The following CDK14 variants were observed in gnomAD, a reference collection of about 807,000 sequenced individuals.
CDK14 encodes the protein cyclin dependent kinase 14, also known as cyclin-dependent kinase 14.
CDK14 carries 34 observed loss-of-function variants against 60.7 expected under a neutral mutation model. That is an observed-to-expected ratio of 0.56 (90% CI 0.43 to 0.75). CDK14 has a LOEUF of 0.75. Ranked by LOEUF, CDK14 falls within the 30% of genes least tolerant of loss-of-function variation. CDK14 has a pLI of 0.00. For synonymous variants in CDK14, 197 were observed against 203.7 expected, an observed-to-expected ratio of 0.97 and a Z score of 0.28; for missense variants, 482 against 564.1, an observed-to-expected ratio of 0.85 and a Z score of 1.47.
chr7:91,006,195 G>T (rs951401562), intron 10 of CDK14, among the ~76,000 whole-genome samples: 2 of 152,224 alleles, frequency 1.3e-5, no homozygotes, highest in Non-Finnish European at 2.9e-5. Flanking sequence ...ATTTGGAAAA[G>T]AACTTGAAGT....
intron 3 of CDK14, among the ~76,000 whole-genome samples, chr7:90,740,270 T>TATAGAGAG (rs1554325107): frequency 7.1e-6 from 1 of 140,036 alleles, no homozygotes; most frequent in South Asian, 2.3e-4. Flanking sequence ...TATATATATA[T>TATAGAGAG]AGAGAGAGAG....
intron 14 of CDK14, among the ~76,000 whole-genome samples, chr7:91,197,611 A>G (rs975003278): frequency 2.0e-5 from 3 of 152,198 alleles, no homozygotes; most frequent in Non-Finnish European, 2.9e-5. Flanking sequence ...CACAAAATCT[A>G]TTATCTTCCA....
intron 9 of CDK14, among the ~76,000 whole-genome samples, chr7:90,968,563 G>T (rs1410899087): frequency 6.6e-6 from 1 of 152,072 alleles, no homozygotes; most frequent in Non-Finnish European, 1.5e-5. Flanking sequence ...TGAATTTTCA[G>T]TTGAGCTTGG....
At chr7:90,913,303 G>A (rs913383562) in intron 7 of CDK14, among the ~76,000 whole-genome samples, 5 of 152,182 alleles carry the variant, frequency 3.3e-5, no homozygotes, top group African/African-American at 1.2e-4. Flanking sequence ...CAGTAGGGTG[G>A]CTGCTTCCTT....
intron 2 of CDK14, among the ~76,000 whole-genome samples, chr7:90,645,528 G>A (rs1305755053): frequency 6.6e-6 from 1 of 151,768 alleles, no homozygotes; most frequent in Non-Finnish European, 1.5e-5. Context: ...GTTGGTTGAC[G>A]GTTTTTTTCT....
intron 10 of CDK14, among the ~76,000 whole-genome samples, chr7:91,035,384 C>T (rs988083904): frequency 2.0e-5 from 3 of 152,182 alleles, no homozygotes; most frequent in Non-Finnish European, 2.9e-5. Flanking sequence ...CAGCTTTTAT[C>T]GTTAGAATGC....
intron 9 of CDK14, among the ~76,000 whole-genome samples, chr7:90,973,260 T>C (rs927808021): frequency 1.3e-5 from 2 of 152,146 alleles, no homozygotes. Flanking sequence ...GGAAATTATG[T>C]ATAATAAGGG....
chr7:91,117,142 T>G (rs1799631872), intron 13 of CDK14, among the ~76,000 whole-genome samples: 1 of 148,742 alleles, frequency 6.7e-6, no homozygotes, highest in Non-Finnish European at 1.5e-5. Context: ...CCCTCAAACT[T>G]GCGCCTTCTC....
intron 14 of CDK14, among the ~76,000 whole-genome samples, chr7:91,134,177 G>C (rs1800199669): frequency 6.6e-6 from 1 of 152,146 alleles, no homozygotes; most frequent in Non-Finnish European, 1.5e-5. Context: ...CCTATGCCAA[G>C]ACTAATTCTA....
chr7:90,997,068 C>T (rs998358968), intron 10 of CDK14, among the ~76,000 whole-genome samples: 3 of 152,148 alleles, frequency 2.0e-5, no homozygotes, highest in Non-Finnish European at 4.4e-5. Context: ...GAAATGTTCC[C>T]CCTCACCAGT....
In CDK14 at chr7:90,899,308, G is replaced by A. The variant is rs370776469; in HGVS notation, c.657G>A (p.Gln219=). 2.7e-5 allele frequency: 43 copies of A among 1,602,486 alleles called. No homozygotes were observed. The highest frequency in any genetic ancestry group is 3.5e-5 in the Non-Finnish European group (41 of 1,175,138). The change falls in exon 7 of 15, where the codon CAG becomes CAA. Residue 219 remains glutamine, a synonymous_variant. Coordinates refer to ENST00000380050, the MANE Select transcript of CDK14 (RefSeq NM_001287135.2). Reference sequence around the variant, plus strand: ...TTTTCTAGCACACTGATTTATGTCAGTACATGGACAAGCACCCTGGGGGGC... The same window carrying A: ...TTTTCTAGCACACTGATTTATGTCAATACATGGACAAGCACCCTGGGGGGC... ...VFEYVHTDLC[Q]YMDKHPGGLH... is the part of the protein sequence containing the mutation.
intron 6 of CDK14, among the ~76,000 whole-genome samples, chr7:90,864,238 A>G (rs1311819537): frequency 1.3e-5 from 2 of 152,144 alleles, no homozygotes; most frequent in Non-Finnish European, 2.9e-5. Flanking sequence ...GTCTATTTAC[A>G]TATAAATGAT....
At chr7:91,197,887 T>G (rs1004269430) in intron 14 of CDK14, among the ~76,000 whole-genome samples, 1 of 152,258 alleles carries the variant, frequency 6.6e-6, no homozygotes, top group African/African-American at 2.4e-5. Context: ...GTTGGAGGGC[T>G]TTACATGTAG....
At chr7:90,883,265 ATC>A in intron 6 of CDK14, among the ~76,000 whole-genome samples, 1 of 152,332 alleles carries the variant, frequency 6.6e-6, no homozygotes, top group South Asian at 2.1e-4. Context: ...TAAAGGGGAT[ATC>A]ACCACTGACC....
intron 5 of CDK14, among the ~76,000 whole-genome samples, chr7:90,810,816 T>G (rs1281346523): frequency 6.6e-6 from 1 of 151,614 alleles, no homozygotes; most frequent in East Asian, 1.9e-4. Flanking sequence ...TTCTTATACA[T>G]CAGTAACAGA....
Position 90,998,591 on chromosome 7 carries a change from A to G in CDK14, c.1041+14350A>G, listed in dbSNP as rs187559926. On this transcript the variant is annotated intron_variant, in intron 10 of 14. Transcript: ENST00000380050. ...GTAATAGAATACCACAGACTGGGTA[A>G]CTTAAAAAGAAAATAGGCCGGGCGC... is the stretch of plus-strand genomic sequence containing the variant. Among the ~76,000 whole-genome samples, 1,049 of 152,338 alleles carry G rather than the reference A, an allele frequency of 6.9e-3. 5 individuals are homozygous for G. Among genetic ancestry groups the G allele is most frequent in the Non-Finnish European group, 0.012 (831 of 68,034 alleles).
intron 2 of CDK14, among the ~76,000 whole-genome samples, chr7:90,649,410 T>C (rs1461230005): frequency 3.3e-4 from 28 of 84,640 alleles, no homozygotes; most frequent in African/African-American, 6.3e-4. Context: ...TCTTTCTTTC[T>C]TTCTTTCTTT....
chr7:90,716,829 T>C (rs1802264731), intron 2 of CDK14, among the ~76,000 whole-genome samples: 1 of 152,112 alleles, frequency 6.6e-6, no homozygotes, highest in South Asian at 2.1e-4. Context: ...CAATCTCTTA[T>C]TGGACCATAA....
At chr7:90,883,974 CA>C (rs746798172) in intron 6 of CDK14, among the ~76,000 whole-genome samples, 1 of 152,134 alleles carries the variant, frequency 6.6e-6, no homozygotes, top group South Asian at 2.1e-4. Flanking sequence ...AACCCACAGC[CA>C]ATATCATATT....
Sources: allele counts gnomAD v4.1 joint callset (sites outside exome capture counted in the v4.1 genomes callset), GRCh38; gene constraint gnomAD v4.1.1; transcripts MANE v1.5; gene names NCBI Gene and HGNC (gene_info 2026-07-23, HGNC 2026-07-21).